GRIP1: variants seen among roughly 807,000 people sequenced by gnomAD.
GRIP1 encodes the protein glutamate receptor interacting protein 1, also known as glutamate receptor-interacting protein 1.
GRIP1 carries 45 observed loss-of-function variants against 129.9 expected under a neutral mutation model. The observed-to-expected ratio is 0.35, with a 90% CI of 0.27 to 0.44. The LOEUF (loss-of-function observed/expected upper bound fraction) is 0.44. Among genes scored for constraint, GRIP1 ranks in the 20% least tolerant of loss-of-function variants. The pLI is 1.00. For missense variants in GRIP1, 1,196 were observed against 1,396.8 expected (o/e 0.86, Z 2.29); for synonymous variants, 530 against 520.8 (o/e 1.02, Z -0.24).
At chr12:66,721,239 A>G (rs1797310554) in intron 1 of GRIP1, among the ~76,000 whole-genome samples, 1 of 152,098 alleles carries the variant, frequency 6.6e-6, no homozygotes, top group Non-Finnish European at 1.5e-5. Context: ...TATTCAGAGT[A>G]GATTTAGCAT....
At chr12:66,638,392 A>G (rs1464709258) in intron 1 of GRIP1, among the ~76,000 whole-genome samples, 1 of 152,242 alleles carries the variant, frequency 6.6e-6, no homozygotes, top group African/African-American at 2.4e-5. Flanking sequence ...ATAAAGAGAA[A>G]GAGGTTAAAT....
intron 1 of GRIP1, among the ~76,000 whole-genome samples, chr12:67,056,882 C>T (rs2043445929): frequency 6.6e-6 from 1 of 152,302 alleles, no homozygotes; most frequent in African/African-American, 2.4e-5. Context: ...ATGTTCTCGG[C>T]TCACTGCAAC....
chr12:66,485,904 T>C (rs2059941321), intron 7 of GRIP1, among the ~76,000 whole-genome samples: 2 of 152,078 alleles, frequency 1.3e-5, no homozygotes, highest in African/African-American at 2.4e-5. Context: ...TATGTACCAC[T>C]CATGTATTTA....
chr12:66,810,608 T>C (rs2039085228), intron 1 of GRIP1, among the ~76,000 whole-genome samples: 1 of 119,202 alleles, frequency 8.4e-6, no homozygotes. Flanking sequence ...GTAGATAGGA[T>C]GCAGAATAAA....
chr12:66,557,937 T>A (rs1592546373), intron 2 of GRIP1, among the ~76,000 whole-genome samples: 1 of 151,684 alleles, frequency 6.6e-6, no homozygotes, highest in East Asian at 1.9e-4. Context: ...AAACCCAAAA[T>A]TAGTAGCATA....
At chr12:67,044,901 T>C (rs1341283026) in intron 1 of GRIP1, among the ~76,000 whole-genome samples, 1 of 152,232 alleles carries the variant, frequency 6.6e-6, no homozygotes, top group Admixed American at 6.5e-5. Context: ...GAATGCTTTA[T>C]ATATGTTAGT....
intron 1 of GRIP1, among the ~76,000 whole-genome samples, chr12:66,664,677 C>G (rs986461969): frequency 6.6e-6 from 1 of 151,964 alleles, no homozygotes; most frequent in Non-Finnish European, 1.5e-5. Flanking sequence ...ATAAATTTCA[C>G]CTTAATAATT....
intron 7 of GRIP1, among the ~76,000 whole-genome samples, chr12:66,466,290 C>T (rs2059283984): frequency 6.6e-6 from 1 of 152,182 alleles, no homozygotes; most frequent in African/African-American, 2.4e-5. Flanking sequence ...GTGTTCCTTG[C>T]CAGATTGTAA....
At chr12:67,032,673 C>T (rs2043040188) in intron 1 of GRIP1, among the ~76,000 whole-genome samples, 1 of 152,082 alleles carries the variant, frequency 6.6e-6, no homozygotes, top group African/African-American at 2.4e-5. Context: ...TGCTCAGTTG[C>T]GACAACCAAA....
At chr12:66,689,594 T>TA (rs1336833463) in intron 1 of GRIP1, among the ~76,000 whole-genome samples, 1 of 152,192 alleles carries the variant, frequency 6.6e-6, no homozygotes, top group African/African-American at 2.4e-5. Flanking sequence ...GATGATTTAA[T>TA]ATATATATAC....
rs550012093 is a variant in GRIP1, at chr12:66,585,551, C to T, written c.136+11296G>A. 3.5e-3 allele frequency among the ~76,000 whole-genome samples: 487 copies of T among 140,834 alleles called. 18 individuals carry two copies. The highest frequency in any genetic ancestry group is 0.012 in the African/African-American group (460 of 38,146). 92.4% of individuals were successfully genotyped at this position (140,834 alleles called of 152,430 possible). ...AAGTCTTTGCTATTGTGAATAATGC[C>T]GCAATAAAAATACGTGTGCATGTGT... On this transcript the variant is annotated intron_variant, in intron 2 of 24. Transcript: ENST00000359742.
At chr12:66,434,149 A>AC (rs1205265802) in intron 13 of GRIP1, among the ~76,000 whole-genome samples, 2 of 152,296 alleles carry the variant, frequency 1.3e-5, no homozygotes, top group East Asian at 3.9e-4. Context: ...ACAGTGTTAA[A>AC]CTGGAGAGCA....
intron 1 of GRIP1, among the ~76,000 whole-genome samples, chr12:66,895,227 G>A (rs1036700232): frequency 2.6e-5 from 4 of 152,166 alleles, no homozygotes; most frequent in African/African-American, 9.6e-5. Context: ...GTCATGGGAA[G>A]GACCTGGTGG....
intron 7 of GRIP1, among the ~76,000 whole-genome samples, chr12:66,498,679 C>T (rs777066616): frequency 5.3e-5 from 8 of 151,734 alleles, no homozygotes; most frequent in Non-Finnish European, 1.2e-4. Context: ...GACTTTGACA[C>T]TTATAAACTG....
intron 1 of GRIP1, among the ~76,000 whole-genome samples, chr12:66,636,316 G>A (rs1306615316): frequency 1.3e-5 from 2 of 152,120 alleles, no homozygotes; most frequent in Non-Finnish European, 1.5e-5. Context: ...TGAAAAAAAG[G>A]TCTGGAAATA....
intron 1 of GRIP1, among the ~76,000 whole-genome samples, chr12:66,675,469 T>C (rs564224403): frequency 5.3e-5 from 8 of 152,058 alleles, no homozygotes; most frequent in Non-Finnish European, 1.0e-4. Context: ...CACACAATCA[T>C]GACAAGAGAA....
chr12:66,951,975 TATCTG>T (rs1413092620), intron 1 of GRIP1, among the ~76,000 whole-genome samples: 1 of 152,178 alleles, frequency 6.6e-6, no homozygotes, highest in Non-Finnish European at 1.5e-5. Flanking sequence ...TCAGAGAAGA[TATCTG>T]AGCTGAAGAT....
intron 2 of GRIP1, among the ~76,000 whole-genome samples, chr12:66,554,801 T>A (rs2062265807): frequency 6.6e-6 from 1 of 152,096 alleles, no homozygotes; most frequent in Non-Finnish European, 1.5e-5. Flanking sequence ...GGGGAGAGGC[T>A]CCTCTGCCTG....
chr12:66,808,908 T>C (rs1333305849), upstream of GRIP1, among the ~76,000 whole-genome samples: 2 of 152,162 alleles, frequency 1.3e-5, no homozygotes, highest in Non-Finnish European at 2.9e-5. Context: ...AAAACACTAA[T>C]TACTTTAAAA....
Sources: allele counts gnomAD v4.1 joint callset (sites outside exome capture counted in the v4.1 genomes callset), GRCh38; gene constraint gnomAD v4.1.1; transcripts MANE v1.5; gene names NCBI Gene and HGNC (gene_info 2026-07-23, HGNC 2026-07-21).